The following ADK variants were observed in gnomAD, a reference collection of about 807,000 sequenced individuals.
ADK encodes the protein adenosine kinase, also known as N6,N6-dimethyladenosine kinase.
ADK carries 24 observed loss-of-function variants against 44.7 expected under a neutral mutation model. That is an observed-to-expected ratio of 0.54 (90% confidence interval 0.39 to 0.76). ADK has a LOEUF of 0.76. Among genes scored for constraint, ADK ranks in the 30% least tolerant of loss-of-function variants. ADK has a pLI of 0.00. For missense variants in ADK, 321 were observed against 425.1 expected (o/e 0.76, Z 2.15); for synonymous variants, 128 against 142.6 (o/e 0.90, Z 0.73).
chr10:74,418,321 AATTAACTGAGCTCAGTC>A (rs1844443148), intron 6 of ADK, among the ~76,000 whole-genome samples: 1 of 152,134 alleles, frequency 6.6e-6, no homozygotes, highest in Admixed American at 6.6e-5. Flanking sequence ...CCAGCTCAGT[AATTAACTGAGCTCAGTC>A]ATTGCACCCT....
intron 4 of ADK, among the ~76,000 whole-genome samples, chr10:74,368,779 C>T (rs966569180): frequency 4.6e-5 from 7 of 152,004 alleles, no homozygotes; most frequent in East Asian, 1.9e-4. Flanking sequence ...TACAGGCACA[C>T]GCCACCACAC....
chr10:74,389,122 C>G (rs1843253430), intron 4 of ADK, among the ~76,000 whole-genome samples: 1 of 152,146 alleles, frequency 6.6e-6, no homozygotes, highest in Admixed American at 6.5e-5. Context: ...AACAGTAATT[C>G]TAGAGCCTGC....
chr10:74,431,237 C>A (rs533322954), intron 6 of ADK, among the ~76,000 whole-genome samples: 1 of 151,994 alleles, frequency 6.6e-6, no homozygotes, highest in Non-Finnish European at 1.5e-5. Context: ...GGAAAGGAGG[C>A]AAGAATGATT....
chr10:74,566,035 AT>A (rs1850656059), intron 7 of ADK, among the ~76,000 whole-genome samples: 1 of 152,088 alleles, frequency 6.6e-6, no homozygotes, highest in Non-Finnish European at 1.5e-5. Flanking sequence ...TTAATTCTAA[AT>A]CCCATCAAAT....
intron 6 of ADK, among the ~76,000 whole-genome samples, chr10:74,404,018 G>T (rs942669459): frequency 3.3e-5 from 5 of 151,976 alleles, no homozygotes; most frequent in Non-Finnish European, 7.4e-5. Context: ...GACTGCACGT[G>T]CCTGCCACCA....
intron 6 of ADK, among the ~76,000 whole-genome samples, chr10:74,471,867 T>C (rs182678799): frequency 6.6e-6 from 1 of 152,356 alleles, no homozygotes; most frequent in Non-Finnish European, 1.5e-5. Flanking sequence ...CCTGCAACTT[T>C]GCTGAATTTA....
chr10:74,625,892 AT>A (rs1285988445), intron 9 of ADK, among the ~76,000 whole-genome samples: 1 of 152,138 alleles, frequency 6.6e-6, no homozygotes, highest in African/African-American at 2.4e-5. Flanking sequence ...TTTATTAAGC[AT>A]TTTTTTATTC....
chr10:74,707,114 C>T (rs1437551304), intron 10 of ADK, among the ~76,000 whole-genome samples: 2 of 152,192 alleles, frequency 1.3e-5, no homozygotes, highest in African/African-American at 2.4e-5. Context: ...TAGCTAACCA[C>T]AGCCGCAACC....
At chr10:74,335,924 A>G (rs1294920462) in intron 4 of ADK, among the ~76,000 whole-genome samples, 1 of 152,162 alleles carries the variant, frequency 6.6e-6, no homozygotes, top group Non-Finnish European at 1.5e-5. Flanking sequence ...TTCTGCAGAC[A>G]AGACTTATCA....
chr10:74,184,867 T>A (rs1842690582), intron 1 of ADK, among the ~76,000 whole-genome samples: 1 of 152,216 alleles, frequency 6.6e-6, no homozygotes, highest in Admixed American at 6.5e-5. Context: ...TTTTGGCCTA[T>A]TTTGGGTACA....
chr10:74,320,068 C>T (rs1840758154), intron 4 of ADK, among the ~76,000 whole-genome samples: 2 of 152,126 alleles, frequency 1.3e-5, no homozygotes, highest in Non-Finnish European at 2.9e-5. Flanking sequence ...TTCTTTACTT[C>T]TTCATATGGC....
chr10:74,582,726 G>GA (rs1851412021), intron 7 of ADK, among the ~76,000 whole-genome samples: 2 of 151,982 alleles, frequency 1.3e-5, no homozygotes, highest in Admixed American at 1.3e-4. Context: ...TTGGATAGAG[G>GA]CATGAGTGTC....
At chr10:74,270,499 G>A (rs1165674773) in intron 3 of ADK, among the ~76,000 whole-genome samples, 1 of 152,182 alleles carries the variant, frequency 6.6e-6, no homozygotes, top group East Asian at 1.9e-4. Context: ...CTGGTCTCAA[G>A]CCATTGTTCC....
At chr10:74,390,194 T>C (rs1180743612) in intron 4 of ADK, among the ~76,000 whole-genome samples, 2 of 152,046 alleles carry the variant, frequency 1.3e-5, no homozygotes, top group Admixed American at 6.5e-5. Flanking sequence ...TTAATAACAA[T>C]AGAAATTCTC....
chr10:74,248,445 G>A (rs964904491), intron 3 of ADK, among the ~76,000 whole-genome samples: 4 of 151,922 alleles, frequency 2.6e-5, no homozygotes, highest in Admixed American at 6.6e-5. Context: ...TGCCACCTCC[G>A]CCTCCTGGGT....
At chr10:74,679,357 C>A (rs1214293696) in intron 10 of ADK, among the ~76,000 whole-genome samples, 2 of 152,144 alleles carry the variant, frequency 1.3e-5, no homozygotes, top group African/African-American at 4.8e-5. Context: ...TTAAATCTTG[C>A]CCTTCCTACT....
intron 8 of ADK, among the ~76,000 whole-genome samples, chr10:74,596,552 T>TC (rs1491109140): frequency 2.2e-5 from 3 of 133,706 alleles, no homozygotes; most frequent in South Asian, 2.3e-4. Context: ...TCTCTCTCTC[T>TC]TTTTTTTTTT....
intron 7 of ADK, among the ~76,000 whole-genome samples, chr10:74,531,564 C>T (rs1849292879): frequency 6.6e-6 from 1 of 152,114 alleles, no homozygotes; most frequent in Non-Finnish European, 1.5e-5. Flanking sequence ...GACAAGGTCT[C>T]ACTCTCTCAC....
intron 3 of ADK, among the ~76,000 whole-genome samples, chr10:74,236,594 G>T (rs530184124): frequency 6.6e-6 from 1 of 152,104 alleles, no homozygotes; most frequent in Admixed American, 6.5e-5. Context: ...CAATTTTATT[G>T]GTATAACAAA....
Sources: allele counts gnomAD v4.1 joint callset (sites outside exome capture counted in the v4.1 genomes callset), GRCh38; gene constraint gnomAD v4.1.1; transcripts MANE v1.5; gene names NCBI Gene and HGNC (gene_info 2026-07-23, HGNC 2026-07-21).